DDR1: variants seen among roughly 807,000 people sequenced by gnomAD.
The protein encoded by DDR1 is epithelial discoidin domain-containing receptor 1.
Under a neutral mutation model 97.4 loss-of-function variants are expected in DDR1, and 64 were observed. The observed-to-expected ratio is 0.66, with a 90% CI of 0.54 to 0.81. The LOEUF (loss-of-function observed/expected upper bound fraction) is 0.81, where lower values mean the gene tolerates loss of function less well. Among genes scored for constraint, DDR1 ranks in the 30% least tolerant of loss-of-function variants. The pLI is 0.00. For synonymous variants in DDR1, 458 were observed against 503.7 expected (o/e 0.91, Z 1.21); for missense variants, 990 against 1,259.6 (o/e 0.79, Z 3.24).
In DDR1 at chr6:30,892,434, G is replaced by T; in HGVS notation, c.991G>T (p.Ala331Ser). The stretch of plus-strand genomic sequence containing the variant: ...AGGGGGCAACCTGGGGGACCCCAGA[G>T]CCCGGGCTGTCTCAGTGCCCCTTGG... ...NLGGNLGDPR[A>S]RAVSVPLGGR... is the part of the protein sequence containing the mutation. The change falls in exon 8 of 18, where the codon GCC (alanine) becomes TCC (serine). Residue 331 changes from alanine (A) to serine (S), a missense_variant. Transcript: ENST00000376568. 1 of 1,607,312 alleles carries T rather than the reference G, an allele frequency of 6.2e-7. No individual in the cohort carries two copies.
intron 1 of DDR1, among the ~76,000 whole-genome samples, chr6:30,887,223 T>C (rs1786183358): frequency 6.6e-6 from 1 of 152,220 alleles, no homozygotes; most frequent in Non-Finnish European, 1.5e-5. Flanking sequence ...GATGTTTAAT[T>C]CTATCATATC....
rs772801434 is a variant in DDR1 at position 30,899,309 on chromosome 6, G to T, written c.*13G>T. On this transcript the variant is annotated 3_prime_UTR_variant, in exon 18 of 18. Transcript: ENST00000376568. The stretch of plus-strand genomic sequence containing the variant: ...CAACACGGTGTGAATCACACATCCA[G>T]CTGCCCCTCCCTCAGGGAGCGATCC... 1 of 1,599,904 alleles carries T rather than the reference G, an allele frequency of 6.3e-7. No homozygotes were observed.
chr6:30,896,578 T>C lies in DDR1; in HGVS notation c.1625-43T>C, dbSNP rs116211447. 1.4e-3 allele frequency: 2,158 copies of C among 1,589,302 alleles called. 9 individuals carry two copies. The African/African-American group carries it at 0.014, about 10-fold the overall frequency. On this transcript the variant is annotated intron_variant, in intron 12 of 17. Transcript: ENST00000376568. Reference sequence around the variant, plus strand: ...GTGGGGAACTATAGCTCTTGGGCTGTTCCTGATGCCTCGTCCTGTCTTCTT... The same window carrying C: ...GTGGGGAACTATAGCTCTTGGGCTGCTCCTGATGCCTCGTCCTGTCTTCTT...
chr6:30,894,394 A>C lies in DDR1; in HGVS notation c.1348-112A>C. 1 of 1,046,814 alleles carries C rather than the reference A, an allele frequency of 9.6e-7. No individual in the cohort carries two copies. Among genetic ancestry groups the C allele is most frequent in the South Asian group, 1.9e-5 (1 of 52,446 alleles). The allele number at this position is 1,046,814 out of a possible 1,614,324, so 64.8% of individuals were successfully genotyped here. A position where few individuals can be genotyped will look rare whatever the true frequency, so the allele number is the denominator to read the frequency against. ...GTAAGATGGTGCTGATAGTATCCAC[A>C]GCTGTAGGGCTCTTGTGAGGGCTGA... On this transcript the variant is annotated intron_variant, in intron 10 of 17. Coordinates refer to ENST00000376568, the MANE Select transcript of DDR1 (RefSeq NM_001297654.2). The surrounding 1 kb of genome is among the most constrained non-coding windows in gnomAD (Gnocchi z 5.7).
intron 10 of DDR1, among the ~76,000 whole-genome samples, chr6:30,893,829 C>T (rs1281476861): frequency 1.3e-5 from 2 of 152,238 alleles, no homozygotes; most frequent in Non-Finnish European, 2.9e-5. Flanking sequence ...GTGCAGTGTA[C>T]ACTGGTCAGC....
Position 30,899,476 on chromosome 6 carries a change from TC to T in DDR1, c.*182del. On this transcript the variant is annotated 3_prime_UTR_variant, in exon 18 of 18. Transcript: ENST00000376568. The stretch of plus-strand genomic sequence containing the variant: ...AGGGAGCTGATGCCCCTTCTCCCCT[TC>T]CTGGACACACTCTCATGTCCCCTTC... 1 of 691,346 alleles carries T rather than the reference TC, an allele frequency of 1.4e-6. No homozygotes were observed. The highest frequency in any genetic ancestry group is 3.0e-5 in the Admixed American group (1 of 33,196). 42.8% of individuals were successfully genotyped at this position (691,346 alleles called of 1,614,324 possible).
intron 8 of DDR1, 132 bp from the exon 9 acceptor site, chr6:30,892,936 C>T: frequency 1.3e-6 from 1 of 788,390 alleles, no homozygotes; most frequent in Non-Finnish European, 2.0e-6. Context: ...TCCCCCAGCC[C>T]CCACTGGTCA....
intron 1 of DDR1, chr6:30,885,231 G>A (rs1176012601): frequency 2.0e-6 from 3 of 1,532,956 alleles, no homozygotes; most frequent in South Asian, 1.2e-5. Context: ...TGTCACTGCC[G>A]GTGAGCGCCA....
At position 30,893,178 on chromosome 6, in the gene DDR1, G is replaced by A; in HGVS notation, c.1195+15G>A. 1 of 1,604,280 alleles carries A rather than the reference G, an allele frequency of 6.2e-7. No homozygotes were observed. The highest frequency in any genetic ancestry group is 8.5e-7 in the Non-Finnish European group (1 of 1,178,394). ...CAGCAGCTTGGGTGAGCAATCTTGG[G>A]TGGGCGTGTGGACCCTCTGCACCCT... On this transcript the variant is annotated intron_variant, in intron 9 of 17. Coordinates refer to ENST00000376568, the MANE Select transcript of DDR1 (RefSeq NM_001297654.2).
At position 30,899,413 on chromosome 6, in the gene DDR1, A is replaced by T; in HGVS notation, c.*117A>T. On this transcript the variant is annotated 3_prime_UTR_variant, in exon 18 of 18. Transcript: ENST00000376568. ...CCCTCCCGACAGCCCATCACCTCTA[A>T]TAGAGGCAGTGAGACTGCAGGTGGG... 7.4e-7 allele frequency: 1 copy of T among 1,352,330 alleles called. No individual in the cohort carries two copies. Among genetic ancestry groups the T allele is most frequent in the Non-Finnish European group, 9.9e-7 (1 of 1,007,790 alleles). The allele number at this position is 1,352,330 out of a possible 1,614,324, so 83.8% of individuals were successfully genotyped here. A position where few individuals can be genotyped will look rare whatever the true frequency, so the allele number is the denominator to read the frequency against.
rs1467627097 is a variant in DDR1, at chr6:30,899,299, C to T, written c.*3C>T. ...AGGATGCACTCAACACGGTGTGAATCACACATCCAGCTGCCCCTCCCTCAG... is the reference window on the plus strand; with the variant it reads ...AGGATGCACTCAACACGGTGTGAATTACACATCCAGCTGCCCCTCCCTCAG... On this transcript the variant is annotated 3_prime_UTR_variant, in exon 18 of 18. Coordinates refer to ENST00000376568, the MANE Select transcript of DDR1 (RefSeq NM_001297654.2). 6.2e-7 allele frequency: 1 copy of T among 1,603,558 alleles called. No individual in the cohort carries two copies. The highest frequency in any genetic ancestry group is 8.5e-7 in the Non-Finnish European group (1 of 1,172,438).
Position 30,891,204 on chromosome 6 carries a change from C to A in DDR1, c.565+84C>A, listed in dbSNP as rs1788036763. ...GTGTGGAGAATGGGCATCCAGGATCCCTTCTCCTGCTGGGAAGCTGTCACT... is the reference window on the plus strand; with the variant it reads ...GTGTGGAGAATGGGCATCCAGGATCACTTCTCCTGCTGGGAAGCTGTCACT... On this transcript the variant is annotated intron_variant, in intron 5 of 17. Coordinates refer to ENST00000376568, the MANE Select transcript of DDR1 (RefSeq NM_001297654.2). The surrounding 1 kb of genome is among the most constrained non-coding windows in gnomAD (Gnocchi z 5.3). 2 of 1,567,234 alleles carry A rather than the reference C, an allele frequency of 1.3e-6. No individual in the cohort carries two copies. Among genetic ancestry groups the A allele is most frequent in the East Asian group, 4.5e-5 (2 of 44,274 alleles).
chr6:30,900,002 G>A lies in DDR1; in HGVS notation c.*706G>A, dbSNP rs889274583. The A allele has an allele frequency of 1.2e-5, 7 of 592,564 alleles. No homozygotes were observed. Among genetic ancestry groups the A allele is most frequent in the Non-Finnish European group, 1.3e-5 (4 of 305,684 alleles). 36.7% of individuals were successfully genotyped at this position (592,564 alleles called of 1,614,324 possible). A position where few individuals can be genotyped will look rare whatever the true frequency, so the allele number is the denominator to read the frequency against. ...ATAGCCTTGGGGTTGGACATCTCTA[G>A]TGTAGCTGCCACATTGATTTTTCTA... On this transcript the variant is annotated 3_prime_UTR_variant, in exon 18 of 18. Transcript: ENST00000376568.
rs1786916637 is a variant in DDR1, at chr6:30,888,954, C to T, written c.132C>T (p.Asp44=). The change falls in exon 3 of 18, where the codon GAC becomes GAT. Residue 44 remains aspartate (D), a synonymous_variant. Transcript: ENST00000376568. The surrounding 1 kb of genome is among the most constrained non-coding windows in gnomAD (Gnocchi z 4.2). The stretch of plus-strand genomic sequence containing the variant: ...GCATGCAGGACCGGACCATCCCAGA[C>T]AGTGACATCTCTGCTTCCAGCTCCT... The part of the protein sequence containing the change: ...ALGMQDRTIP[D]SDISASSSWS... 6.2e-7 allele frequency: 1 copy of T among 1,612,902 alleles called. No homozygotes were observed. The highest frequency in any genetic ancestry group is 8.5e-7 in the Non-Finnish European group (1 of 1,180,024).
Position 30,897,581 on chromosome 6 carries a change from C to A in DDR1, c.2200C>A (p.Gln734Lys). ...GGCCCCTGGGGACGGGCAGGCTGCG[C>A]AGGGGCCCACCATCAGGTACCTGCT... ...EGAPGDGQAA[Q>K]GPTISYPMLL... The change falls in exon 15 of 18, where the codon CAG (glutamine) becomes AAG (lysine). Residue 734 changes from glutamine (Q) to lysine (K), a missense_variant. By Grantham distance (53) the Gln-to-Lys change is moderately conservative. Transcript: ENST00000376568. This position sits in a 1 kb window ranked among gnomAD's most constrained non-coding sequence, Gnocchi z 5.2. 1 of 1,611,616 alleles carries A rather than the reference C, an allele frequency of 6.2e-7. No individual in the cohort carries two copies. Among genetic ancestry groups the A allele is most frequent in the Non-Finnish European group, 8.5e-7 (1 of 1,179,734 alleles).
rs1562373552 is a variant in DDR1 at position 30,888,861 on chromosome 6, TAG to T, written c.86-42_86-41del. 6.2e-7 allele frequency: 1 copy of T among 1,612,122 alleles called. No homozygotes were observed. The highest frequency in any genetic ancestry group is 8.5e-7 in the Non-Finnish European group (1 of 1,179,778). On this transcript the variant is annotated intron_variant, in intron 2 of 17. Coordinates refer to ENST00000376568, the MANE Select transcript of DDR1 (RefSeq NM_001297654.2). This position sits in a 1 kb window ranked among gnomAD's most constrained non-coding sequence, Gnocchi z 4.2. ...TCCCTGAGGGCCAGGGCTTGGGAGGTAGAGAGTTGGGGGCCTTGACCTGTTAC... is the reference window on the plus strand; with the variant it reads ...TCCCTGAGGGCCAGGGCTTGGGAGGTAGAGTTGGGGGCCTTGACCTGTTAC...
chr6:30,885,766 G>A (rs762587486), intron 1 of DDR1: 1 of 1,292,512 alleles, frequency 7.7e-7, no homozygotes, highest in Non-Finnish European at 1.0e-6. Context: ...ACTGAGAGGT[G>A]GGTGTGTGCA....
chr6:30,890,043 T>A lies in DDR1; in HGVS notation c.417+613T>A, dbSNP rs529578497. Among the ~76,000 whole-genome samples the A allele has an allele frequency of 2.0e-5, 3 of 152,188 alleles. No individual in the cohort carries two copies. The highest frequency in any genetic ancestry group is 4.4e-5 in the Non-Finnish European group (3 of 68,042). ...GCCCGCCATCTCCAGCTTAGATGAG[T>A]GCAGTAGATGCCAAACGCGTCTCCC... is the stretch of plus-strand genomic sequence containing the variant. On this transcript the variant is annotated intron_variant, in intron 4 of 17. Coordinates refer to ENST00000376568, the MANE Select transcript of DDR1 (RefSeq NM_001297654.2). The surrounding 1 kb of genome is among the most constrained non-coding windows in gnomAD (Gnocchi z 5.0).
rs2150450690 is a variant in DDR1, at chr6:30,897,827, C to G, written c.2216+230C>G. Among the ~76,000 whole-genome samples the G allele has an allele frequency of 6.6e-6, 1 of 152,308 alleles. No homozygotes were observed. The highest frequency in any genetic ancestry group is 2.4e-5 in the African/African-American group (1 of 41,566). On this transcript the variant is annotated intron_variant, in intron 15 of 17. Coordinates refer to ENST00000376568, the MANE Select transcript of DDR1 (RefSeq NM_001297654.2). The surrounding 1 kb of genome is among the most constrained non-coding windows in gnomAD (Gnocchi z 5.2). ...AGGGACTTGGGCCCTGCCATGACGT[C>G]CCTTCTGCTTTCTCTCACCCTCACT... is the stretch of plus-strand genomic sequence containing the variant.
Sources: allele counts gnomAD v4.1 joint callset (sites outside exome capture counted in the v4.1 genomes callset), GRCh38; gene constraint gnomAD v4.1.1; non-coding constraint Gnocchi (gnomAD v3.1); transcripts MANE v1.5; gene names NCBI Gene and HGNC (gene_info 2026-07-23, HGNC 2026-07-21).